Variants in CD2AP observed in about 807,000 individuals in gnomAD.
CD2AP encodes the protein CD2 associated protein.
CD2AP carries 46 observed loss-of-function variants against 85.1 expected under a neutral mutation model. That is an observed-to-expected ratio of 0.54 (90% CI 0.43 to 0.69). The LOEUF (loss-of-function observed/expected upper bound fraction) is 0.69, where lower values mean the gene tolerates loss of function less well. CD2AP is among the 30% of genes least tolerant of loss of function. The probability of loss-of-function intolerance (pLI) is 0.00; values close to 1 mark genes in which losing one functional copy is unlikely to be tolerated. For missense variants in CD2AP, 769 were observed against 729.5 expected, an observed-to-expected ratio of 1.05 and a Z score of -0.62; for synonymous variants, 255 against 252.9, an observed-to-expected ratio of 1.01 and a Z score of -0.08.
intron 5 of CD2AP, chr6:47,562,803 T>C (rs1767896750): frequency 8.6e-7 from 1 of 1,157,440 alleles, no homozygotes; most frequent in Non-Finnish European, 1.3e-6. Flanking sequence ...AGCCTTTGTA[T>C]GTCAAGTTGG....
At chr6:47,584,038 T>C (rs1768554721) in intron 11 of CD2AP, among the ~76,000 whole-genome samples, 1 of 152,252 alleles carries the variant, frequency 6.6e-6, no homozygotes, top group Admixed American at 6.5e-5. Context: ...TCTCATATGC[T>C]TAATTGTCAT....
In CD2AP at chr6:47,582,048, T is replaced by C; in HGVS notation, c.1091T>C (p.Leu364Ser). 1.2e-6 allele frequency: 2 copies of C among 1,603,024 alleles called. No individual in the cohort carries two copies. The highest frequency in any genetic ancestry group is 1.7e-6 in the Non-Finnish European group (2 of 1,170,102). ...GCTGCAGAGAAGAAATATTTTTCTT[T>C]AAAGCCTGAAGAAAAGGGTGAGGCT... ...LIAAEKKYFS[L>S]KPEEKDEKST... Residue 364 changes from leucine to serine, a missense_variant, in exon 11 of 18, where the codon TTA (leucine) becomes TCA (serine). Transcript: ENST00000359314.
At chr6:47,498,490 G>C (rs192808790) in intron 1 of CD2AP, among the ~76,000 whole-genome samples, 104 of 152,102 alleles carry the variant, frequency 6.8e-4, no homozygotes, top group African/African-American at 2.4e-3. Context: ...TTATTTTCTT[G>C]TATTATTTCA....
At chr6:47,512,149 C>T (rs1415262917) in intron 2 of CD2AP, among the ~76,000 whole-genome samples, 3 of 151,462 alleles carry the variant, frequency 2.0e-5, no homozygotes. Context: ...CAGAGCGAGA[C>T]TCCGTCTGAA....
chr6:47,495,307 A>G (rs941447723), intron 1 of CD2AP, among the ~76,000 whole-genome samples: 2 of 152,186 alleles, frequency 1.3e-5, no homozygotes, highest in African/African-American at 4.8e-5. Flanking sequence ...TGGAACAGTC[A>G]CGTCAAGATG....
At chr6:47,552,474 T>A (rs1274214807) in intron 4 of CD2AP, among the ~76,000 whole-genome samples, 6 of 152,154 alleles carry the variant, frequency 3.9e-5, no homozygotes, top group Non-Finnish European at 5.9e-5. Flanking sequence ...AATGCCATTA[T>A]TTTGTTCCTT....
intron 11 of CD2AP, among the ~76,000 whole-genome samples, chr6:47,583,393 C>G (rs1404786673): frequency 6.6e-6 from 1 of 152,186 alleles, no homozygotes; most frequent in Non-Finnish European, 1.5e-5. Flanking sequence ...AGCATTACTA[C>G]TCTAAAAACC....
rs903480232 is a variant in CD2AP at position 47,624,288 on chromosome 6, G to C, written c.*61G>C. On this transcript the variant is annotated 3_prime_UTR_variant, in exon 18 of 18. Coordinates refer to ENST00000359314, the MANE Select transcript of CD2AP (RefSeq NM_012120.3). ...TTCAGAAGCAACGCTATGAACTTCAGCTGACTTGTTACTTAAAAATTGTGA... is the reference window on the plus strand; with the variant it reads ...TTCAGAAGCAACGCTATGAACTTCACCTGACTTGTTACTTAAAAATTGTGA... The C allele has an allele frequency of 4.3e-5, 56 of 1,296,426 alleles. No individual in the cohort carries two copies. The highest frequency in any genetic ancestry group is 5.9e-5 in the Non-Finnish European group (53 of 892,236). The allele number at this position is 1,296,426 out of a possible 1,614,324, so 80.3% of individuals were successfully genotyped here.
chr6:47,505,910 C>CA (rs1766148362), intron 2 of CD2AP, among the ~76,000 whole-genome samples: 1 of 100,236 alleles, frequency 1.0e-5, no homozygotes, highest in African/African-American at 4.2e-5. Context: ...TGACCCCCCC[C>CA]ACCTCCCTCC....
chr6:47,577,141 A>T (rs779882646), intron 8 of CD2AP, 38 bp downstream of exon 8: 1 of 1,046,316 alleles, frequency 9.6e-7, no homozygotes, highest in South Asian at 1.3e-5. Context: ...TGCTTAATTT[A>T]TTTATAGAAA....
At chr6:47,525,310 C>T (rs534231766) in intron 2 of CD2AP, among the ~76,000 whole-genome samples, 1 of 152,154 alleles carries the variant, frequency 6.6e-6, no homozygotes, top group East Asian at 1.9e-4. Flanking sequence ...ATTTTATATA[C>T]TTCTGGAAAT....
intron 6 of CD2AP, among the ~76,000 whole-genome samples, chr6:47,574,502 TTTAG>T (rs1768248726): frequency 6.6e-6 from 1 of 151,224 alleles, no homozygotes; most frequent in Non-Finnish European, 1.5e-5. Flanking sequence ...CTTTAGGGTT[TTTAG>T]TTAGCACAGT....
rs78657370 is a variant in CD2AP at position 47,513,020 on chromosome 6, G to A, written c.165+9580G>A. Among the ~76,000 whole-genome samples, 844 of 152,282 alleles carry A rather than the reference G, an allele frequency of 5.5e-3. 15 individuals carry two copies. The highest frequency in any genetic ancestry group is 0.02 in the African/African-American group (812 of 41,568). ...TAGGTAATTAGTAGAGAGAAATGATGTCAGGACAATGAGAAAGTGTGTTAG... is the reference window on the plus strand; with the variant it reads ...TAGGTAATTAGTAGAGAGAAATGATATCAGGACAATGAGAAAGTGTGTTAG... On this transcript the variant is annotated intron_variant, in intron 2 of 17. Coordinates refer to ENST00000359314, the MANE Select transcript of CD2AP (RefSeq NM_012120.3).
At chr6:47,573,228 A>G (rs951341313) in intron 5 of CD2AP, among the ~76,000 whole-genome samples, 1 of 152,122 alleles carries the variant, frequency 6.6e-6, no homozygotes, top group Non-Finnish European at 1.5e-5. Context: ...ATTTTTTATT[A>G]TTATATAGTA....
intron 1 of CD2AP, among the ~76,000 whole-genome samples, chr6:47,490,421 T>A (rs1765705650): frequency 6.6e-6 from 1 of 152,240 alleles, no homozygotes; most frequent in Non-Finnish European, 1.5e-5. Context: ...TTTTTTGATC[T>A]GCTTGAAACA....
At chr6:47,541,833 G>C (rs760287713) in intron 3 of CD2AP, among the ~76,000 whole-genome samples, 14 of 152,294 alleles carry the variant, frequency 9.2e-5, no homozygotes, top group Admixed American at 2.6e-4. Flanking sequence ...CAGTACAGCT[G>C]ATATTTCTAT....
intron 4 of CD2AP, among the ~76,000 whole-genome samples, chr6:47,552,418 T>TACTTCACTTAG (rs1245993801): frequency 3.3e-5 from 5 of 152,176 alleles, no homozygotes; most frequent in African/African-American, 1.2e-4. Context: ...ATTCTTGAGT[T>TACTTCACTTAG]ACTTCACTTA....
chr6:47,595,709 A>T lies in CD2AP; in HGVS notation c.1109-152A>T, dbSNP rs554641205. 2.4e-3 allele frequency: 1,299 copies of T among 536,102 alleles called. 18 individuals are homozygous for T. Among genetic ancestry groups the T allele is most frequent in the African/African-American group, 0.023 (1,183 of 51,740 alleles). 33.2% of individuals were successfully genotyped at this position (536,102 alleles called of 1,614,324 possible). ...TATTAAATTAAAATATAACTTTAAA[A>T]TAAGTAAAACAGTGCACATGTATAC... On this transcript the variant is annotated intron_variant, in intron 11 of 17. Transcript: ENST00000359314.
chr6:47,618,566 A>G (rs752976931), intron 17 of CD2AP, among the ~76,000 whole-genome samples: 74 of 152,322 alleles, frequency 4.9e-4, no homozygotes, highest in African/African-American at 1.5e-3. Context: ...TGTTAAAAAT[A>G]TATCTTAAAT....
Sources: gnomAD v4.1 joint callset for allele counts (sites outside exome capture counted in the v4.1 genomes callset) on GRCh38, gnomAD v4.1.1 for gene constraint, MANE v1.5 for transcripts, NCBI Gene and HGNC (gene_info 2026-07-23, HGNC 2026-07-21) for gene names.